CARMIL1: variants seen among roughly 807,000 people sequenced by gnomAD.
CARMIL1 encodes the protein capping protein regulator and myosin 1 linker 1.
A neutral mutation model predicts 177.1 loss-of-function variants in CARMIL1; 90 were observed. The ratio of observed to expected loss-of-function variants is 0.51; its 90% CI spans 0.43 to 0.61. The LOEUF (loss-of-function observed/expected upper bound fraction) is 0.61, where lower values mean the gene tolerates loss of function less well. Ranked by LOEUF, CARMIL1 falls within the 20% of genes least tolerant of loss-of-function variation. CARMIL1 has a pLI of 0.00. For synonymous variants in CARMIL1, 577 were observed against 606.2 expected (o/e 0.95, Z 0.71); for missense variants, 1,380 against 1,667.0 (o/e 0.83, Z 3.00).
intron 17 of CARMIL1, chr6:25,507,614 A>G (rs559888652): frequency 2.6e-5 from 4 of 152,628 alleles, no homozygotes; most frequent in Non-Finnish European, 5.9e-5. Flanking sequence ...ACAAAGTTAA[A>G]CATTTAAATG....
In CARMIL1 at chr6:25,378,274, A is replaced by G. The variant is rs80237102; in HGVS notation, c.139-41840A>G. ...AGCAGCAGCTAGCTGGGTTTCAGACAGTTGACACTCAGAACTCAAAACTGC... is the reference window on the plus strand; with the variant it reads ...AGCAGCAGCTAGCTGGGTTTCAGACGGTTGACACTCAGAACTCAAAACTGC... On this transcript the variant is annotated intron_variant, in intron 2 of 36. Transcript: ENST00000329474. 4.9e-3 allele frequency among the ~76,000 whole-genome samples: 743 copies of G among 152,322 alleles called. 6 individuals are homozygous for G. The highest frequency in any genetic ancestry group is 0.017 in the African/African-American group (702 of 41,578).
At chr6:25,384,032 G>A (rs1791886078) in intron 2 of CARMIL1, among the ~76,000 whole-genome samples, 1 of 152,088 alleles carries the variant, frequency 6.6e-6, no homozygotes, top group South Asian at 2.1e-4. Context: ...TAGACATGGG[G>A]TTTCACATGT....
intron 5 of CARMIL1, among the ~76,000 whole-genome samples, chr6:25,436,859 C>G (rs1797273750): frequency 6.6e-6 from 1 of 152,150 alleles, no homozygotes; most frequent in Non-Finnish European, 1.5e-5. Context: ...AGAGGGTGAG[C>G]TGGGGCTGCC....
At chr6:25,401,306 T>C (rs545028889) in intron 2 of CARMIL1, among the ~76,000 whole-genome samples, 2 of 152,274 alleles carry the variant, frequency 1.3e-5, no homozygotes, top group African/African-American at 2.4e-5. Flanking sequence ...AATGTATATG[T>C]ATATATACAT....
At chr6:25,379,756 G>T (rs536161290) in intron 2 of CARMIL1, among the ~76,000 whole-genome samples, 6 of 152,256 alleles carry the variant, frequency 3.9e-5, no homozygotes, top group Admixed American at 2.0e-4. Flanking sequence ...GCACTTTTCT[G>T]TGAATAGCCT....
At chr6:25,411,925 A>C (rs908601971) in intron 2 of CARMIL1, among the ~76,000 whole-genome samples, 2 of 152,174 alleles carry the variant, frequency 1.3e-5, no homozygotes, top group African/African-American at 4.8e-5. Context: ...GCTGGAGGAG[A>C]ATCCCAGAGA....
chr6:25,354,154 C>G (rs1788351163), intron 2 of CARMIL1, among the ~76,000 whole-genome samples: 1 of 151,908 alleles, frequency 6.6e-6, no homozygotes, highest in Non-Finnish European at 1.5e-5. Context: ...GTGGAAGGGT[C>G]TGCTGTGGCT....
chr6:25,387,996 G>GA (rs900751634), intron 2 of CARMIL1, among the ~76,000 whole-genome samples: 2 of 151,974 alleles, frequency 1.3e-5, no homozygotes, highest in African/African-American at 4.8e-5. Context: ...CAGTTCATAA[G>GA]AAAAAAAGAG....
At chr6:25,355,656 A>G (rs1788521522) in intron 2 of CARMIL1, among the ~76,000 whole-genome samples, 1 of 152,194 alleles carries the variant, frequency 6.6e-6, no homozygotes, top group South Asian at 2.1e-4. Flanking sequence ...CCTGGGTGAC[A>G]GAGCAAGACC....
intron 2 of CARMIL1, among the ~76,000 whole-genome samples, chr6:25,404,336 CAAG>C (rs1794159356): frequency 6.6e-6 from 1 of 152,192 alleles, no homozygotes. Context: ...TCAATGGAGG[CAAG>C]AAGGGATCTT....
chr6:25,427,300 C>T (rs547907412), intron 4 of CARMIL1, among the ~76,000 whole-genome samples: 3 of 152,178 alleles, frequency 2.0e-5, no homozygotes, highest in Non-Finnish European at 2.9e-5. Flanking sequence ...AAGCCCAGCA[C>T]GCATTAGCTA....
chr6:25,605,714 G>T (rs1207722421), intron 34 of CARMIL1, among the ~76,000 whole-genome samples: 1 of 152,194 alleles, frequency 6.6e-6, no homozygotes, highest in Non-Finnish European at 1.5e-5. Flanking sequence ...CCTTGTGCCA[G>T]ATCTGAGAAA....
intron 9 of CARMIL1, among the ~76,000 whole-genome samples, chr6:25,466,719 G>A (rs912516044): frequency 1.3e-5 from 2 of 152,152 alleles, no homozygotes; most frequent in Non-Finnish European, 2.9e-5. Flanking sequence ...TGGATCTGTA[G>A]GACATGGAGG....
chr6:25,440,404 G>T (rs985740847), intron 5 of CARMIL1, among the ~76,000 whole-genome samples: 1 of 152,224 alleles, frequency 6.6e-6, no homozygotes, highest in African/African-American at 2.4e-5. Flanking sequence ...AAATGCCTTG[G>T]CAGAGAGTTA....
chr6:25,571,145 T>C (rs574930222), intron 29 of CARMIL1, among the ~76,000 whole-genome samples: 20 of 152,202 alleles, frequency 1.3e-4, no homozygotes, highest in Non-Finnish European at 2.6e-4. Context: ...GTTTTTATAA[T>C]CTAGTTCATT....
intron 1 of CARMIL1, 99 bp from the exon 2 acceptor site, chr6:25,284,713 G>GAAA (rs1781398364): frequency 2.9e-6 from 2 of 688,492 alleles, no homozygotes; most frequent in Non-Finnish European, 2.5e-6. Context: ...TGTCTCAAAA[G>GAAA]ACAACAACAG....
intron 3 of CARMIL1, among the ~76,000 whole-genome samples, chr6:25,422,135 T>A (rs909590743): frequency 1.3e-5 from 2 of 152,196 alleles, no homozygotes; most frequent in African/African-American, 4.8e-5. Context: ...CATGTCCTAC[T>A]TATTTAGACT....
At chr6:25,522,863 G>T (rs1463623993) in intron 23 of CARMIL1, among the ~76,000 whole-genome samples, 2 of 152,134 alleles carry the variant, frequency 1.3e-5, no homozygotes, top group Non-Finnish European at 2.9e-5. Flanking sequence ...AAGCTGGAGT[G>T]CAGTGGTGCA....
intron 2 of CARMIL1, among the ~76,000 whole-genome samples, chr6:25,359,669 A>G (rs1788987352): frequency 6.6e-6 from 1 of 152,104 alleles, no homozygotes; most frequent in African/African-American, 2.4e-5. Flanking sequence ...TCCCTTGACT[A>G]TTGCAGCAGA....
Sources: gnomAD v4.1 joint callset for allele counts (sites outside exome capture counted in the v4.1 genomes callset) on GRCh38, gnomAD v4.1.1 for gene constraint, MANE v1.5 for transcripts, NCBI Gene and HGNC (gene_info 2026-07-23, HGNC 2026-07-21) for gene names.